Variants in NELL2 observed in about 807,000 individuals in gnomAD.
NELL2 encodes protein kinase C-binding protein NELL2.
In NELL2, 41 loss-of-function variants were observed where a neutral mutation model predicts 109.6. That is an observed-to-expected ratio of 0.37 (90% CI 0.29 to 0.49). The LOEUF (loss-of-function observed/expected upper bound fraction) is 0.49. NELL2 is among the 20% of genes least tolerant of loss of function. The pLI is 0.98. For synonymous variants in NELL2, 355 were observed against 344.7 expected (o/e 1.03, Z -0.33); for missense variants, 900 against 1,008.3 (o/e 0.89, Z 1.45).
upstream of NELL2, among the ~76,000 whole-genome samples, chr12:44,916,699 T>C (rs1264056855): frequency 6.6e-6 from 1 of 152,070 alleles, no homozygotes; most frequent in African/African-American, 2.4e-5. Flanking sequence ...GTCAAGAAAA[T>C]GACAAATTTG....
intron 3 of NELL2, 100 bp downstream of exon 3, chr12:44,815,886 A>G: frequency 7.5e-7 from 1 of 1,334,222 alleles, no homozygotes. Context: ...CAAATCATAA[A>G]GAGATATACA....
chr12:44,631,922 A>G (rs1946471363), intron 13 of NELL2, among the ~76,000 whole-genome samples: 1 of 152,136 alleles, frequency 6.6e-6, no homozygotes, highest in South Asian at 2.1e-4. Flanking sequence ...CAAAACTTCT[A>G]AACAAATTAT....
At chr12:44,728,026 TCA>T (rs375301619) in intron 9 of NELL2, among the ~76,000 whole-genome samples, 4 of 150,182 alleles carry the variant, frequency 2.7e-5, no homozygotes, top group Middle Eastern at 3.4e-3. Context: ...ATACTCTCAC[TCA>T]CACACACACA....
chr12:44,620,274 C>T (rs533249662), intron 13 of NELL2, among the ~76,000 whole-genome samples: 16 of 152,212 alleles, frequency 1.1e-4, no homozygotes, highest in Non-Finnish European at 1.8e-4. Flanking sequence ...ACGACCGCCA[C>T]TTACATGGTA....
At chr12:44,703,577 A>C (rs977168014) in intron 12 of NELL2, 149 bp downstream of exon 12, 4 of 780,338 alleles carry the variant, frequency 5.1e-6, no homozygotes, top group Non-Finnish European at 8.2e-6. Context: ...TTTGAAAGAT[A>C]ATTATTTTTA....
At chr12:44,606,379 G>A (rs1945401107) in intron 15 of NELL2, among the ~76,000 whole-genome samples, 1 of 152,104 alleles carries the variant, frequency 6.6e-6, no homozygotes, top group Non-Finnish European at 1.5e-5. Context: ...GATGACAACT[G>A]TCAATTGCCA....
intron 2 of NELL2, among the ~76,000 whole-genome samples, chr12:44,834,832 G>A (rs1161348891): frequency 6.6e-6 from 1 of 152,158 alleles, no homozygotes; most frequent in African/African-American, 2.4e-5. Context: ...ACTCTGCTTG[G>A]ACCCACCTCT....
intron 13 of NELL2, among the ~76,000 whole-genome samples, chr12:44,612,730 C>T (rs952367333): frequency 1.3e-5 from 2 of 151,868 alleles, no homozygotes; most frequent in Non-Finnish European, 2.9e-5. Context: ...TTCGAAGTGC[C>T]GCAGTTAATC....
chr12:44,783,789 A>G (rs1942055548), intron 3 of NELL2, among the ~76,000 whole-genome samples: 1 of 152,100 alleles, frequency 6.6e-6, no homozygotes, highest in African/African-American at 2.4e-5. Context: ...GCTTCCAGAA[A>G]GTAACAGAGA....
intron 15 of NELL2, among the ~76,000 whole-genome samples, chr12:44,577,570 C>T (rs1477289041): frequency 5.3e-5 from 8 of 150,538 alleles, no homozygotes; most frequent in South Asian, 2.1e-4. Flanking sequence ...CCCCGCCTCC[C>T]GGGTTCACAC....
intron 19 of NELL2, among the ~76,000 whole-genome samples, chr12:44,518,939 CTTGA>C (rs914898335): frequency 1.3e-5 from 2 of 152,124 alleles, no homozygotes; most frequent in Non-Finnish European, 2.9e-5. Flanking sequence ...AAAAGCTTTG[CTTGA>C]TTGACAAATT....
intron 1 of NELL2, among the ~76,000 whole-genome samples, chr12:44,893,210 C>T (rs185765135): frequency 6.6e-6 from 1 of 152,266 alleles, no homozygotes; most frequent in African/African-American, 2.4e-5. Flanking sequence ...CCAGGAATTT[C>T]CTGGTTTGTG....
chr12:44,577,085 G>A lies in NELL2; in HGVS notation c.1663+30084C>T, dbSNP rs559837265. 3.6e-4 allele frequency among the ~76,000 whole-genome samples: 49 copies of A among 134,352 alleles called. No homozygotes were observed. In the South Asian group the frequency reaches 0.012, roughly 32 times the overall value. The allele number at this position is 134,352 out of a possible 152,430, so 88.1% of individuals were successfully genotyped here. A position where few individuals can be genotyped will look rare whatever the true frequency, so the allele number is the denominator to read the frequency against. ...CAGTAATGGGATGGCTGGGTCAAAT[G>A]CTATTTCTAGTTCTAGATCCCTGAG... On this transcript the variant is annotated intron_variant, in intron 15 of 19. Coordinates refer to ENST00000429094, the MANE Select transcript of NELL2 (RefSeq NM_001145108.2).
chr12:44,696,364 A>G (rs914198983), intron 12 of NELL2, among the ~76,000 whole-genome samples: 1 of 152,224 alleles, frequency 6.6e-6, no homozygotes, highest in African/African-American at 2.4e-5. Context: ...CACCTTATAC[A>G]TACCAGATAT....
chr12:44,550,371 T>G (rs1441262514), intron 15 of NELL2, among the ~76,000 whole-genome samples: 1 of 151,126 alleles, frequency 6.6e-6, no homozygotes, highest in Non-Finnish European at 1.5e-5. Context: ...ATTATTAAAA[T>G]AGCCAAACTG....
intron 15 of NELL2, among the ~76,000 whole-genome samples, chr12:44,584,798 C>T (rs1944438393): frequency 6.6e-6 from 1 of 152,194 alleles, no homozygotes; most frequent in South Asian, 2.1e-4. Context: ...CAGACTGGAT[C>T]ACGTTAACAA....
chr12:44,577,491 T>TTTTC lies in NELL2; in HGVS notation c.1663+29677_1663+29678insGAAA, dbSNP rs1339996401. Among the ~76,000 whole-genome samples the TTTTC allele has an allele frequency of 1.9e-3, 265 of 137,416 alleles. 32 individuals carry two copies. Among genetic ancestry groups the TTTTC allele is most frequent in the African/African-American group, 8.1e-3 (259 of 31,916 alleles). The allele number at this position is 137,416 out of a possible 152,430, so 90.2% of individuals were successfully genotyped here. A position where few individuals can be genotyped will look rare whatever the true frequency, so the allele number is the denominator to read the frequency against. On this transcript the variant is annotated intron_variant, in intron 15 of 19. Transcript: ENST00000429094. ...TTTTTTTTTTTTTTTTTTTTTTTTT[T>TTTTC]TGAGATGGAGTCTTGCTCTGTCTCC... is the stretch of plus-strand genomic sequence containing the variant.
chr12:44,633,260 C>A (rs745410474), intron 13 of NELL2, among the ~76,000 whole-genome samples: 2 of 151,926 alleles, frequency 1.3e-5, no homozygotes, highest in Non-Finnish European at 2.9e-5. Context: ...GTGAGTAAAT[C>A]CAGAAGAGGA....
At chr12:44,744,720 C>T (rs1592446184) in intron 9 of NELL2, among the ~76,000 whole-genome samples, 1 of 152,270 alleles carries the variant, frequency 6.6e-6, no homozygotes, top group Admixed American at 6.5e-5. Flanking sequence ...GGATAAATTC[C>T]TCGACACATA....
Sources: gnomAD v4.1 joint callset for allele counts (sites outside exome capture counted in the v4.1 genomes callset) on GRCh38, gnomAD v4.1.1 for gene constraint, MANE v1.5 for transcripts, NCBI Gene and HGNC (gene_info 2026-07-23, HGNC 2026-07-21) for gene names.